RAB8B: variants seen among roughly 807,000 people sequenced by gnomAD.
RAB8B encodes ras-related protein Rab-8B.
Under a neutral mutation model 32.0 loss-of-function variants are expected in RAB8B, and 11 were observed. The ratio of observed to expected loss-of-function variants is 0.34; its 90% CI spans 0.22 to 0.57. The LOEUF (loss-of-function observed/expected upper bound fraction) is 0.57. Among genes scored for constraint, RAB8B ranks in the 20% least tolerant of loss-of-function variants. The pLI, the probability that RAB8B is intolerant of heterozygous loss-of-function variation, is 0.86. For synonymous variants in RAB8B, 103 were observed against 89.6 expected (o/e 1.15, Z -0.85); for missense variants, 190 against 258.5 (o/e 0.73, Z 1.82).
chr15:63,227,463 G>A (rs1352338953), intron 1 of RAB8B, among the ~76,000 whole-genome samples: 1 of 152,224 alleles, frequency 6.6e-6, no homozygotes, highest in Admixed American at 6.5e-5. Flanking sequence ...TTAGGGTGCT[G>A]CAAACGTACT....
rs142506965 is a variant in RAB8B at position 63,246,516 on chromosome 15, T to C, written c.185+1700T>C. On this transcript the variant is annotated intron_variant, in intron 2 of 7. Coordinates refer to ENST00000321437, the MANE Select transcript of RAB8B (RefSeq NM_016530.3). ...CAAAGAATACAGATGAACAGCCAGATGGAAGAGATACACAGGGCAAGCCAT... is the reference window on the plus strand; with the variant it reads ...CAAAGAATACAGATGAACAGCCAGACGGAAGAGATACACAGGGCAAGCCAT... 1.1e-3 allele frequency among the ~76,000 whole-genome samples: 169 copies of C among 152,258 alleles called. 1 individual carries two copies. The Middle Eastern group carries it at 0.014, about 12-fold the overall frequency.
chr15:63,224,842 A>G (rs975395698), intron 1 of RAB8B, among the ~76,000 whole-genome samples: 3 of 152,182 alleles, frequency 2.0e-5, no homozygotes, highest in African/African-American at 7.2e-5. Context: ...GGTGGACTCT[A>G]AAGGGTGATT....
chr15:63,224,786 A>G (rs1297383422), intron 1 of RAB8B, among the ~76,000 whole-genome samples: 1 of 152,202 alleles, frequency 6.6e-6, no homozygotes, highest in Non-Finnish European at 1.5e-5. Flanking sequence ...TATTAGAAAC[A>G]GATTCCTCCC....
Position 63,244,642 on chromosome 15 carries a change from T to C in RAB8B, c.125-114T>C, listed in dbSNP as rs1334864649. 9 of 765,144 alleles carry C rather than the reference T, an allele frequency of 1.2e-5. No individual in the cohort carries two copies. In the African/African-American group the frequency reaches 1.2e-4, roughly 11 times the overall value. The allele number at this position is 765,144 out of a possible 1,614,324, so 47.4% of individuals were successfully genotyped here. On this transcript the variant is annotated intron_variant, in intron 1 of 7. Coordinates refer to ENST00000321437, the MANE Select transcript of RAB8B (RefSeq NM_016530.3). ...CATACCATTCACACCCTCTCTGTGT[T>C]CACATTTTCCAGTGCGTTGGAGAGC...
At chr15:63,208,232 C>A (rs1316659600) in intron 1 of RAB8B, among the ~76,000 whole-genome samples, 2 of 152,150 alleles carry the variant, frequency 1.3e-5, no homozygotes, top group African/African-American at 4.8e-5. Context: ...ACCCAGGGAC[C>A]CTCAACATCT....
chr15:63,217,730 C>G (rs575202427), intron 1 of RAB8B, among the ~76,000 whole-genome samples: 2 of 152,194 alleles, frequency 1.3e-5, no homozygotes, highest in African/African-American at 4.8e-5. Context: ...TGAGGAAAAT[C>G]TAAACAATTT....
rs1001978095 is a variant in RAB8B at position 63,225,847 on chromosome 15, T to C, written c.125-18909T>C. On this transcript the variant is annotated intron_variant, in intron 1 of 7. Transcript: ENST00000321437. ...ATATTTTTTTCCTTCTCTGTTTTATTTTTTTCTTTCTGAAAGAGGGTCTCG... is the reference window on the plus strand; with the variant it reads ...ATATTTTTTTCCTTCTCTGTTTTATCTTTTTCTTTCTGAAAGAGGGTCTCG... Among the ~76,000 whole-genome samples, 94 of 152,300 alleles carry C rather than the reference T, an allele frequency of 6.2e-4. 1 individual carries two copies. The highest frequency in any genetic ancestry group is 2.2e-3 in the African/African-American group (91 of 41,562).
intron 1 of RAB8B, among the ~76,000 whole-genome samples, chr15:63,227,107 T>G (rs1405795769): frequency 6.6e-6 from 1 of 152,218 alleles, no homozygotes; most frequent in African/African-American, 2.4e-5. Context: ...AAGGTCTTTA[T>G]GAGCTTTATT....
chr15:63,244,092 A>G (rs1256368151), intron 1 of RAB8B, among the ~76,000 whole-genome samples: 4 of 152,224 alleles, frequency 2.6e-5, no homozygotes, highest in Admixed American at 6.5e-5. Context: ...AGGTCCCACA[A>G]TGGCAATCTA....
intron 1 of RAB8B, among the ~76,000 whole-genome samples, chr15:63,198,719 A>G (rs114043903): frequency 0.011 from 1,606 of 152,328 alleles, 33 homozygotes; most frequent in African/African-American, 0.037. Flanking sequence ...ATCCTGATGT[A>G]TAAAGTGGAA....
intron 1 of RAB8B, among the ~76,000 whole-genome samples, chr15:63,214,910 G>A (rs2037779240): frequency 2.6e-5 from 4 of 152,062 alleles, no homozygotes; most frequent in Admixed American, 2.0e-4. Context: ...GTTTACTAAG[G>A]TCTTTAAAAT....
At chr15:63,220,163 T>C (rs2037831765) in intron 1 of RAB8B, among the ~76,000 whole-genome samples, 1 of 152,236 alleles carries the variant, frequency 6.6e-6, no homozygotes, top group Non-Finnish European at 1.5e-5. Flanking sequence ...GTGTTGAATT[T>C]TTAAAAATCA....
chr15:63,261,575 G>T (rs1202881542), intron 6 of RAB8B, among the ~76,000 whole-genome samples: 1 of 152,166 alleles, frequency 6.6e-6, no homozygotes, highest in Non-Finnish European at 1.5e-5. Context: ...CCCTGAACTG[G>T]GAGTTGCCTG....
At chr15:63,251,066 A>G in intron 3 of RAB8B, among the ~76,000 whole-genome samples, 1 of 152,022 alleles carries the variant, frequency 6.6e-6, no homozygotes, top group East Asian at 1.9e-4. Flanking sequence ...CAAAAAGATT[A>G]GGGATTCCTT....
chr15:63,189,893 G>C, intron 1 of RAB8B, 145 bp downstream of exon 1: 1 of 1,158,722 alleles, frequency 8.6e-7, no homozygotes, highest in Non-Finnish European at 1.2e-6. Context: ...AGGGGCGAGG[G>C]CGTGAGGGAG....
chr15:63,230,509 C>T (rs933040597), intron 1 of RAB8B, among the ~76,000 whole-genome samples: 10 of 152,086 alleles, frequency 6.6e-5, no homozygotes, highest in Non-Finnish European at 1.2e-4. Flanking sequence ...GCCACGTTGG[C>T]CAAGCTGTTT....
chr15:63,242,069 A>C (rs894187313), intron 1 of RAB8B, among the ~76,000 whole-genome samples: 1 of 150,818 alleles, frequency 6.6e-6, no homozygotes, highest in Non-Finnish European at 1.5e-5. Flanking sequence ...GGTTTTTGCC[A>C]TTCTTAATGG....
intron 1 of RAB8B, among the ~76,000 whole-genome samples, chr15:63,239,263 T>C (rs2038010833): frequency 1.3e-5 from 2 of 152,138 alleles, no homozygotes; most frequent in Non-Finnish European, 2.9e-5. Context: ...ATCAGGAAAT[T>C]ATCTTTGCTT....
At chr15:63,237,506 A>T (rs558986701) in intron 1 of RAB8B, among the ~76,000 whole-genome samples, 144 of 152,240 alleles carry the variant, frequency 9.5e-4, no homozygotes, top group Non-Finnish European at 1.4e-3. Flanking sequence ...ACACCTTTTC[A>T]TGTATCTGTT....
Sources: allele counts gnomAD v4.1 joint callset (sites outside exome capture counted in the v4.1 genomes callset), GRCh38; gene constraint gnomAD v4.1.1; transcripts MANE v1.5; gene names NCBI Gene and HGNC (gene_info 2026-07-23, HGNC 2026-07-21).